The following PTPRS variants were observed in gnomAD, a reference collection of about 807,000 sequenced individuals.
PTPRS encodes receptor-type tyrosine-protein phosphatase S.
Under a neutral mutation model 215.3 loss-of-function variants are expected in PTPRS, and 63 were observed. The observed-to-expected ratio is 0.29, with a 90% CI of 0.24 to 0.36. The LOEUF (loss-of-function observed/expected upper bound fraction) is 0.36. Among genes scored for constraint, PTPRS ranks in the 10% least tolerant of loss-of-function variants. PTPRS has a pLI of 1.00. For synonymous variants in PTPRS, 1,404 were observed against 1,191.4 expected (o/e 1.18, Z -3.68); for missense variants, 2,258 against 2,825.8 (o/e 0.80, Z 4.56).
Position 5,211,795 on chromosome 19 carries a change from A to G in PTPRS, c.5056-27T>C, listed in dbSNP as rs749201576. 2.4e-5 allele frequency: 39 copies of G among 1,605,952 alleles called. No individual in the cohort carries two copies. In the Admixed American group the frequency reaches 4.7e-4, roughly 19 times the overall value. ...TGTGGGGAGGAGGAAGCCAGAGGCC[A>G]CCATCAGGATGAGGAAGGCTATGCT... is the stretch of plus-strand genomic sequence containing the variant. On this transcript the variant is annotated intron_variant, in intron 32 of 37. Transcript: ENST00000262963.
chr19:5,232,435 G>T (rs1305327681), intron 13 of PTPRS, among the ~76,000 whole-genome samples: 2 of 138,174 alleles, frequency 1.4e-5, no homozygotes, highest in Non-Finnish European at 3.1e-5. Context: ...AAATAGTAAA[G>T]CATCTATTTA....
intron 16 of PTPRS, 130 bp downstream of exon 16, chr19:5,229,186 G>T: frequency 9.5e-7 from 1 of 1,049,524 alleles, no homozygotes; most frequent in Non-Finnish European, 1.2e-6. Flanking sequence ...GGGAGAGCGA[G>T]GGGCGCATGG....
rs746372715 is a variant in PTPRS, at chr19:5,210,068, T to G, written c.5487+401A>C. On this transcript the variant is annotated intron_variant, in intron 35 of 37. Coordinates refer to ENST00000262963, the MANE Select transcript of PTPRS (RefSeq NM_002850.4). The surrounding 1 kb of genome is among the most constrained non-coding windows in gnomAD (Gnocchi z 4.5). ...TTCATTGAGCCAACACCATCCATACTCATCTCTCCTCACCCAACGGTGCCA... is the reference window on the plus strand; with the variant it reads ...TTCATTGAGCCAACACCATCCATACGCATCTCTCCTCACCCAACGGTGCCA... Among the ~76,000 whole-genome samples the G allele has an allele frequency of 2.6e-5, 4 of 152,080 alleles. No individual in the cohort carries two copies. Among genetic ancestry groups the G allele is most frequent in the Non-Finnish European group, 5.9e-5 (4 of 68,006 alleles).
At position 5,293,103 on chromosome 19, in the gene PTPRS, C is replaced by G. The variant is rs1220837004; in HGVS notation, c.-94-6869G>C. Reference sequence around the variant, plus strand: ...AAGAGAGACAAAGCCCGGGGCGGCCCGGGCCTCGGGGTGGAAGGGGGTCCC... The same window carrying G: ...AAGAGAGACAAAGCCCGGGGCGGCCGGGGCCTCGGGGTGGAAGGGGGTCCC... On this transcript the variant is annotated intron_variant, in intron 1 of 37. Coordinates refer to ENST00000262963, the MANE Select transcript of PTPRS (RefSeq NM_002850.4). The surrounding 1 kb of genome is among the most constrained non-coding windows in gnomAD (Gnocchi z 8.4). 1 of 151,686 alleles carries G rather than the reference C, an allele frequency of 6.6e-6. No homozygotes were observed. Among genetic ancestry groups the G allele is most frequent in the African/African-American group, 2.4e-5 (1 of 41,296 alleles). 9.4% of individuals were successfully genotyped at this position (151,686 alleles called of 1,614,324 possible).
intron 2 of PTPRS, among the ~76,000 whole-genome samples, chr19:5,277,234 AT>A (rs926225246): frequency 6.6e-6 from 1 of 150,772 alleles, no homozygotes; most frequent in African/African-American, 2.4e-5. Context: ...TAATTTTTTT[AT>A]TTTTTTTCCC....
At chr19:5,277,683 C>T (rs2047506337) in intron 2 of PTPRS, 1 of 521,312 alleles carries the variant, frequency 1.9e-6, no homozygotes, top group Non-Finnish European at 3.5e-6. Flanking sequence ...GGAAAAGCCT[C>T]CCTTCCTCGG....
rs2048417459 is a variant in PTPRS, at chr19:5,287,183, C to G, written c.-94-949G>C. ...CAAGCCTTTGCTTCTGCTGTGCCCTCTGCCTGGAATGCTGTCCCCACCACA... is the reference window on the plus strand; with the variant it reads ...CAAGCCTTTGCTTCTGCTGTGCCCTGTGCCTGGAATGCTGTCCCCACCACA... On this transcript the variant is annotated intron_variant, in intron 1 of 37. Transcript: ENST00000262963. This position sits in a 1 kb window ranked among gnomAD's most constrained non-coding sequence, Gnocchi z 4.8. Among the ~76,000 whole-genome samples the G allele has an allele frequency of 6.6e-6, 1 of 152,136 alleles. No homozygotes were observed. The highest frequency in any genetic ancestry group is 2.4e-5 in the African/African-American group (1 of 41,422).
rs897830996 is a variant in PTPRS at position 5,293,900 on chromosome 19, C to T, written c.-94-7666G>A. On this transcript the variant is annotated intron_variant, in intron 1 of 37. Coordinates refer to ENST00000262963, the MANE Select transcript of PTPRS (RefSeq NM_002850.4). The surrounding 1 kb of genome is among the most constrained non-coding windows in gnomAD (Gnocchi z 8.4). ...ATTGGAAACAGATGGGGCCGCCGTG[C>T]CAGGCCCGCGACACCGGAGCAGAGG... Among the ~76,000 whole-genome samples the T allele has an allele frequency of 1.3e-5, 2 of 152,096 alleles. No homozygotes were observed. The highest frequency in any genetic ancestry group is 1.3e-4 in the Admixed American group (2 of 15,276).
chr19:5,274,375 C>G, intron 2 of PTPRS, 31 bp from the exon 3 acceptor site: 1 of 1,599,412 alleles, frequency 6.3e-7, no homozygotes, highest in South Asian at 1.1e-5. Context: ...AGGGGGGGCG[C>G]TGATGGGTCC....
rs2040800996 is a variant in PTPRS, at chr19:5,210,809, C to T, written c.5235-4G>A. The stretch of plus-strand genomic sequence containing the variant: ...CGCGATGTAGGCCTTCTGCTGCCTG[C>T]AGGCGTTGGGGGTATGAGCCCAGGG... On this transcript the variant is annotated splice_polypyrimidine_tract_variant and splice_region_variant and intron_variant, in intron 33 of 37. Coordinates refer to ENST00000262963, the MANE Select transcript of PTPRS (RefSeq NM_002850.4). This position sits in a 1 kb window ranked among gnomAD's most constrained non-coding sequence, Gnocchi z 4.5. The T allele has an allele frequency of 1.9e-6, 3 of 1,612,982 alleles. No homozygotes were observed. Among genetic ancestry groups the T allele is most frequent in the African/African-American group, 1.3e-5 (1 of 74,944 alleles).
At position 5,294,814 on chromosome 19, in the gene PTPRS, G is replaced by C. The variant is rs1018077094; in HGVS notation, c.-94-8580C>G. On this transcript the variant is annotated intron_variant, in intron 1 of 37. Coordinates refer to ENST00000262963, the MANE Select transcript of PTPRS (RefSeq NM_002850.4). This position sits in a 1 kb window ranked among gnomAD's most constrained non-coding sequence, Gnocchi z 5.1. ...CACAGTAGGTGGTCTGTGAGTGTCT[G>C]CACACAGGCTCCCTGCCTGCCCCTT... The C allele has an allele frequency of 6.6e-6, 1 of 152,292 alleles. No individual in the cohort carries two copies. The highest frequency in any genetic ancestry group is 1.5e-5 in the Non-Finnish European group (1 of 68,080). 9.4% of individuals were successfully genotyped at this position (152,292 alleles called of 1,614,324 possible).
At chr19:5,211,807 A>AGG in intron 32 of PTPRS, 39 bp from the exon 33 acceptor site, 1 of 1,603,556 alleles carries the variant, frequency 6.2e-7, no homozygotes, top group South Asian at 1.1e-5. Context: ...CATCAGGATG[A>AGG]GGAAGGCTAT....
In PTPRS at chr19:5,320,308, G is replaced by A. The variant is rs376769439; in HGVS notation, c.-95+20356C>T. ...TTTAATCCCTGCCCCAGTGGGAGAG[G>A]GGGTACACGGACCTTGAAGCCAAAC... is the stretch of plus-strand genomic sequence containing the variant. On this transcript the variant is annotated intron_variant, in intron 1 of 37. Transcript: ENST00000262963. Among the ~76,000 whole-genome samples, 3 of 152,236 alleles carry A rather than the reference G, an allele frequency of 2.0e-5. No individual in the cohort carries two copies. In the South Asian group the frequency reaches 6.2e-4, roughly 31 times the overall value.
Position 5,229,668 on chromosome 19 carries a change from C to T in PTPRS, c.2172G>A (p.Pro724=). 2 of 1,163,586 alleles carry T rather than the reference C, an allele frequency of 1.7e-6. No homozygotes were observed. Among genetic ancestry groups the T allele is most frequent in the African/African-American group, 1.6e-5 (1 of 62,016 alleles). The allele number at this position is 1,163,586 out of a possible 1,614,324, so 72.1% of individuals were successfully genotyped here. A position where few individuals can be genotyped will look rare whatever the true frequency, so the allele number is the denominator to read the frequency against. Residue 724 remains proline (P), a synonymous_variant, in exon 15 of 38, where the codon CCG becomes CCA. Transcript: ENST00000262963. ...RTDEDVPSAP[P]RKVEAEALNA... Reference sequence around the variant, plus strand: ...TGAGCGCCTCCGCCTCCACCTTCCGCGGCGGCGCGCTGGGCACTGGCGGGC... The same window carrying T: ...TGAGCGCCTCCGCCTCCACCTTCCGTGGCGGCGCGCTGGGCACTGGCGGGC...
At chr19:5,214,293 TG>T in intron 30 of PTPRS, 67 bp downstream of exon 30, 1 of 1,607,146 alleles carries the variant, frequency 6.2e-7, no homozygotes, top group Non-Finnish European at 8.5e-7. Flanking sequence ...GGGTAGAAGC[TG>T]GGGCCCTCTG....
intron 1 of PTPRS, among the ~76,000 whole-genome samples, chr19:5,301,548 T>A (rs1277558332): frequency 6.6e-6 from 1 of 151,958 alleles, no homozygotes; most frequent in African/African-American, 2.4e-5. Context: ...ACTCCTGACC[T>A]CAGGTGATCC....
intron 25 of PTPRS, 24 bp downstream of exon 25, chr19:5,218,396 C>T: frequency 6.2e-7 from 1 of 1,602,160 alleles, no homozygotes; most frequent in Non-Finnish European, 8.5e-7. Flanking sequence ...GGTGGCATCC[C>T]TGGTACCAGG....
Position 5,244,012 on chromosome 19 carries a change from T to TATCATTAAAAGA in PTPRS, c.1458_1459insTCTTTTAATGAT (p.Thr486_Thr487insSerPheAsnAsp). The TATCATTAAAAGA allele has an allele frequency of 6.7e-7, 1 of 1,493,830 alleles. No individual in the cohort carries two copies. The highest frequency in any genetic ancestry group is 8.9e-7 in the Non-Finnish European group (1 of 1,119,248). 92.5% of individuals were successfully genotyped at this position (1,493,830 alleles called of 1,614,324 possible). A position where few individuals can be genotyped will look rare whatever the true frequency, so the allele number is the denominator to read the frequency against. ...TCGTCCTCCAGCAGGCTGCCCACGG[T>TATCATTAAAAGA]GGTCAGCAGGCTGTCGTCCACGTTG... On this transcript the variant is annotated inframe_insertion, in exon 11 of 38. Coordinates refer to ENST00000262963, the MANE Select transcript of PTPRS (RefSeq NM_002850.4). This position sits in a 1 kb window ranked among gnomAD's most constrained non-coding sequence, Gnocchi z 7.2.
At chr19:5,314,691 G>A (rs1440835755) in intron 1 of PTPRS, among the ~76,000 whole-genome samples, 2 of 151,986 alleles carry the variant, frequency 1.3e-5, no homozygotes, top group Non-Finnish European at 2.9e-5. Context: ...ACACCCAGCT[G>A]TTTCTCCACA....
Sources: gnomAD v4.1 joint callset for allele counts (sites outside exome capture counted in the v4.1 genomes callset) on GRCh38, gnomAD v4.1.1 for gene constraint, Gnocchi (gnomAD v3.1) non-coding constraint, MANE v1.5 for transcripts, NCBI Gene and HGNC (gene_info 2026-07-23, HGNC 2026-07-21) for gene names.